The following CCNY variants were observed in gnomAD, a reference collection of about 807,000 sequenced individuals.
The protein encoded by CCNY is cyclin-Y.
CCNY carries 19 observed loss-of-function variants against 42.8 expected under a neutral mutation model. The ratio of observed to expected loss-of-function variants is 0.44; its 90% CI spans 0.31 to 0.65. CCNY has a LOEUF of 0.65. Among genes scored for constraint, CCNY ranks in the 30% least tolerant of loss-of-function variants. The pLI is 0.07. For missense variants in CCNY, 370 were observed against 437.3 expected (o/e 0.85, Z 1.37); for synonymous variants, 165 against 162.7 (o/e 1.01, Z -0.11).
chr10:35,258,038 T>A (rs1198193613), intron 3 of CCNY, among the ~76,000 whole-genome samples: 1 of 152,210 alleles, frequency 6.6e-6, no homozygotes, highest in Non-Finnish European at 1.5e-5. Context: ...CTCTAGTGAA[T>A]TTTTCATTTT....
At chr10:35,322,919 C>T (rs957787397) in intron 3 of CCNY, among the ~76,000 whole-genome samples, 3 of 151,878 alleles carry the variant, frequency 2.0e-5, no homozygotes, top group Non-Finnish European at 2.9e-5. Context: ...CTTTGGAAAA[C>T]AGTTTGGCCA....
chr10:35,492,078 GCGAGCCCCTTCCCA>G (rs558631963), intron 2 of CCNY, among the ~76,000 whole-genome samples: 87 of 152,018 alleles, frequency 5.7e-4, no homozygotes, highest in African/African-American at 2.1e-3. Context: ...CCAGTCTGTG[GCGAGCCCCTTCCCA>G]GTCTCCTGCC....
intron 4 of CCNY, among the ~76,000 whole-genome samples, chr10:35,519,776 CTTTTTTTTT>C (rs1177122335): frequency 1.7e-4 from 13 of 74,660 alleles, no homozygotes; most frequent in Admixed American, 5.7e-4. Flanking sequence ...CTTTTCTTTT[CTTTTTTTTT>C]TTTTTTTTTT....
At chr10:35,313,103 C>T (rs1349802174) in intron 3 of CCNY, among the ~76,000 whole-genome samples, 1 of 152,116 alleles carries the variant, frequency 6.6e-6, no homozygotes, top group African/African-American at 2.4e-5. Context: ...ACCTCAATTT[C>T]CTAGAGTCCA....
chr10:35,420,474 C>G (rs576782285), intron 1 of CCNY, among the ~76,000 whole-genome samples: 1 of 152,166 alleles, frequency 6.6e-6, no homozygotes, highest in South Asian at 2.1e-4. Context: ...GCACAGGTAG[C>G]TTTTCAGTGA....
chr10:35,474,124 C>T (rs571097207), intron 1 of CCNY, among the ~76,000 whole-genome samples: 5 of 152,332 alleles, frequency 3.3e-5, no homozygotes, highest in South Asian at 2.1e-4. Context: ...GATTATATCC[C>T]GCACCTGGCT....
chr10:35,555,858 G>A (rs1841353048), intron 8 of CCNY, among the ~76,000 whole-genome samples: 2 of 152,058 alleles, frequency 1.3e-5, no homozygotes, highest in African/African-American at 2.4e-5. Flanking sequence ...CTTTTGATGG[G>A]CAGTCAATAT....
chr10:35,355,678 CAAAAA>C (rs60257114), intron 1 of CCNY, among the ~76,000 whole-genome samples: 3 of 57,416 alleles, frequency 5.2e-5, no homozygotes, highest in East Asian at 6.1e-4. Context: ...ATACTGTCTC[CAAAAA>C]AAAAAAAAAA....
chr10:35,381,712 A>G (rs1377642669), intron 1 of CCNY, among the ~76,000 whole-genome samples: 1 of 152,202 alleles, frequency 6.6e-6, no homozygotes, highest in Non-Finnish European at 1.5e-5. Flanking sequence ...TTGTTCAGAA[A>G]GCTTGCTTAG....
At chr10:35,280,402 G>GA (rs1160747012) in intron 3 of CCNY, among the ~76,000 whole-genome samples, 9 of 135,558 alleles carry the variant, frequency 6.6e-5, no homozygotes, top group African/African-American at 2.0e-4. Context: ...AGAAGGAAAG[G>GA]AAGGAAGGAA....
intron 4 of CCNY, among the ~76,000 whole-genome samples, chr10:35,524,280 A>G (rs1321352143): frequency 6.6e-6 from 1 of 152,234 alleles, no homozygotes; most frequent in Non-Finnish European, 1.5e-5. Context: ...TTTATACCCC[A>G]GTTACAATTT....
At chr10:35,260,730 C>G (rs1238036713) in intron 3 of CCNY, among the ~76,000 whole-genome samples, 1 of 152,178 alleles carries the variant, frequency 6.6e-6, no homozygotes, top group Non-Finnish European at 1.5e-5. Context: ...TGACCAATGC[C>G]TAATGGAAGG....
chr10:35,282,428 A>G (rs1055310007), intron 3 of CCNY, among the ~76,000 whole-genome samples: 1 of 151,980 alleles, frequency 6.6e-6, no homozygotes, highest in Non-Finnish European at 1.5e-5. Flanking sequence ...AGCCCAGCCT[A>G]TTTTAAAAAT....
intron 5 of CCNY, among the ~76,000 whole-genome samples, chr10:35,527,585 T>C (rs1840677982): frequency 1.3e-5 from 2 of 152,228 alleles, no homozygotes; most frequent in South Asian, 4.1e-4. Flanking sequence ...ACTAAGATGA[T>C]ACAACTAGTA....
intron 9 of CCNY, among the ~76,000 whole-genome samples, chr10:35,568,333 G>A (rs928610243): frequency 1.3e-5 from 2 of 152,164 alleles, no homozygotes; most frequent in Non-Finnish European, 2.9e-5. Flanking sequence ...TGACAAGGCT[G>A]CTCTTTCTCT....
intron 1 of CCNY, among the ~76,000 whole-genome samples, chr10:35,369,782 T>C (rs1836888616): frequency 6.6e-6 from 1 of 152,228 alleles, no homozygotes; most frequent in Admixed American, 6.5e-5. Context: ...ATTTTGTAAA[T>C]TGGACCTCAT....
At chr10:35,349,838 A>G (rs993022925) in intron 1 of CCNY, among the ~76,000 whole-genome samples, 5 of 152,222 alleles carry the variant, frequency 3.3e-5, no homozygotes, top group Non-Finnish European at 7.3e-5. Flanking sequence ...CTCCCCTGAG[A>G]GGGCAACTCC....
chr10:35,567,588 G>C (rs1039108232), intron 9 of CCNY, among the ~76,000 whole-genome samples: 3 of 152,230 alleles, frequency 2.0e-5, no homozygotes, highest in African/African-American at 7.2e-5. Flanking sequence ...GCCCATCCCA[G>C]GTGGGATGTT....
chr10:35,390,452 T>C (rs1369219771), intron 1 of CCNY, among the ~76,000 whole-genome samples: 1 of 152,266 alleles, frequency 6.6e-6, no homozygotes, highest in African/African-American at 2.4e-5. Context: ...ATATCAAAGC[T>C]AGCCCTAAAG....
Sources: allele counts gnomAD v4.1 joint callset (sites outside exome capture counted in the v4.1 genomes callset), GRCh38; gene constraint gnomAD v4.1.1; transcripts MANE v1.5; gene names NCBI Gene and HGNC (gene_info 2026-07-23, HGNC 2026-07-21).